Variants in LRP1B observed in about 807,000 individuals in gnomAD.
LRP1B encodes low-density lipoprotein receptor-related protein 1B.
A neutral mutation model predicts 556.6 loss-of-function variants in LRP1B; 217 were observed. The ratio of observed to expected loss-of-function variants is 0.39; its 90% CI spans 0.35 to 0.44. LRP1B has a LOEUF of 0.44. Among genes scored for constraint, LRP1B ranks in the 20% least tolerant of loss-of-function variants. The pLI is 1.00. For missense variants in LRP1B, 5,053 were observed against 5,620.8 expected (o/e 0.90, Z 3.23); for synonymous variants, 2,047 against 1,865.8 (o/e 1.10, Z -2.50).
chr2:142,050,038 A>G (rs528072786), intron 1 of LRP1B, among the ~76,000 whole-genome samples: 1 of 152,140 alleles, frequency 6.6e-6, no homozygotes, highest in African/African-American at 2.4e-5. Flanking sequence ...CTGCTTTTCA[A>G]TTTGGACACT....
In LRP1B at chr2:141,858,170, T is replaced by C. The variant is rs866198575; in HGVS notation, c.83-47769A>G. Among the ~76,000 whole-genome samples the C allele has an allele frequency of 1.0e-3, 159 of 152,286 alleles. 1 individual carries two copies. Among genetic ancestry groups the C allele is most frequent in the African/African-American group, 3.7e-3 (152 of 41,572 alleles). ...GCGTTAAATTTTGACTGCCAAGTTT[T>C]GTGTGCTTGAATCAAACTCATTTCT... On this transcript the variant is annotated intron_variant, in intron 1 of 90. Coordinates refer to ENST00000389484, the MANE Select transcript of LRP1B (RefSeq NM_018557.3).
At chr2:141,625,011 G>A (rs7606122) in intron 2 of LRP1B, among the ~76,000 whole-genome samples, 3,453 of 151,896 alleles carry the variant, frequency 0.023, 135 homozygotes, top group African/African-American at 0.078. Flanking sequence ...CTCGTGATCC[G>A]CCCGCCTCAG....
chr2:141,564,650 T>C (rs562933732), intron 2 of LRP1B, among the ~76,000 whole-genome samples: 5 of 152,104 alleles, frequency 3.3e-5, no homozygotes, highest in African/African-American at 9.6e-5. Context: ...AGCATGTATT[T>C]GAAAGAAAAA....
chr2:142,042,285 G>A (rs1704091507), intron 1 of LRP1B, among the ~76,000 whole-genome samples: 2 of 151,518 alleles, frequency 1.3e-5, no homozygotes, highest in Non-Finnish European at 3.0e-5. Context: ...AATTTAAATA[G>A]CACATAGGTC....
chr2:140,441,829 G>A (rs1406315497), intron 66 of LRP1B, among the ~76,000 whole-genome samples: 13 of 152,100 alleles, frequency 8.5e-5, no homozygotes, highest in Non-Finnish European at 5.9e-5. Context: ...AATAAATGCT[G>A]ATCAAATGAA....
chr2:140,552,460 A>G (rs1015575478), intron 43 of LRP1B, among the ~76,000 whole-genome samples: 4 of 152,160 alleles, frequency 2.6e-5, no homozygotes, highest in African/African-American at 9.7e-5. Flanking sequence ...ATAATTATGC[A>G]CGTTGCCTTT....
intron 2 of LRP1B, among the ~76,000 whole-genome samples, chr2:141,599,392 G>T (rs1687650618): frequency 2.0e-5 from 3 of 151,736 alleles, no homozygotes; most frequent in Admixed American, 2.0e-4. Context: ...TCTTGATAAC[G>T]CAGATTTTAG....
intron 15 of LRP1B, among the ~76,000 whole-genome samples, chr2:140,997,484 A>C (rs1697280383): frequency 6.6e-6 from 1 of 151,928 alleles, no homozygotes; most frequent in African/African-American, 2.4e-5. Flanking sequence ...TGTGGTGTGC[A>C]TGAAGAAGTT....
chr2:140,602,030 G>GT, intron 41 of LRP1B, among the ~76,000 whole-genome samples: 1 of 152,162 alleles, frequency 6.6e-6, no homozygotes, highest in South Asian at 2.1e-4. Flanking sequence ...ATCATCATGA[G>GT]TTTTCTCTTG....
chr2:140,447,398 T>G (rs1686707416), intron 63 of LRP1B, among the ~76,000 whole-genome samples: 1 of 152,110 alleles, frequency 6.6e-6, no homozygotes. Context: ...GTCATACTTT[T>G]TTTTTTGGTT....
intron 25 of LRP1B, among the ~76,000 whole-genome samples, chr2:140,868,637 C>G (rs1693028090): frequency 6.6e-6 from 1 of 151,842 alleles, no homozygotes; most frequent in African/African-American, 2.4e-5. Flanking sequence ...TGCTAAGGCC[C>G]TAACAGGGAA....
intron 2 of LRP1B, among the ~76,000 whole-genome samples, chr2:141,489,607 A>T (rs531834121): frequency 9.9e-5 from 15 of 152,012 alleles, no homozygotes; most frequent in Non-Finnish European, 2.1e-4. Flanking sequence ...ATCACATAAT[A>T]TCTTTACAGA....
chr2:141,830,052 G>T (rs1697063098), intron 1 of LRP1B, among the ~76,000 whole-genome samples: 1 of 151,882 alleles, frequency 6.6e-6, no homozygotes, highest in South Asian at 2.1e-4. Flanking sequence ...GTAATTATGT[G>T]CAGAGAAGAC....
At chr2:141,423,291 T>C (rs72846887) in intron 3 of LRP1B, among the ~76,000 whole-genome samples, 34,141 of 80,306 alleles carry the variant, frequency 0.43, 4,918 homozygotes, top group Admixed American at 0.46. Flanking sequence ...CAGCCAGAGC[T>C]TTTTTTTTTT....
At chr2:142,115,584 T>C (rs1282360188) in intron 1 of LRP1B, among the ~76,000 whole-genome samples, 1 of 44,758 alleles carries the variant, frequency 2.2e-5, no homozygotes, top group African/African-American at 8.6e-5. Context: ...ATATATGTAA[T>C]ATATATATTA....
intron 2 of LRP1B, among the ~76,000 whole-genome samples, chr2:141,705,885 T>C (rs1023161415): frequency 2.0e-5 from 3 of 152,030 alleles, no homozygotes; most frequent in African/African-American, 7.2e-5. Flanking sequence ...TAAATAGTTA[T>C]TCCATAGCAT....
chr2:140,406,922 A>G lies in LRP1B; in HGVS notation c.10415-20913T>C, dbSNP rs558876695. 2.9e-3 allele frequency among the ~76,000 whole-genome samples: 446 copies of G among 152,288 alleles called. 4 individuals are homozygous for G. The highest frequency in any genetic ancestry group is 4.2e-3 in the Non-Finnish European group (284 of 67,994). ...TAAAAAGAACAAATCTGGAGGCATT[A>G]CAGTACCAGACTTCAAATCATATTG... is the stretch of plus-strand genomic sequence containing the variant. On this transcript the variant is annotated intron_variant, in intron 66 of 90. Coordinates refer to ENST00000389484, the MANE Select transcript of LRP1B (RefSeq NM_018557.3).
intron 2 of LRP1B, among the ~76,000 whole-genome samples, chr2:141,729,241 TG>T (rs772798589): frequency 6.6e-6 from 1 of 152,156 alleles, no homozygotes; most frequent in Non-Finnish European, 1.5e-5. Flanking sequence ...AGGACTTCCT[TG>T]GGGGCATCAG....
intron 7 of LRP1B, among the ~76,000 whole-genome samples, chr2:141,186,586 G>GAACTAACTCAACAAA (rs1558919676): frequency 6.6e-6 from 1 of 152,010 alleles, no homozygotes; most frequent in Non-Finnish European, 1.5e-5. Flanking sequence ...GTGCTATAGA[G>GAACTAACTCAACAAA]ACAGAACTAA....
Sources: allele counts gnomAD v4.1 joint callset (sites outside exome capture counted in the v4.1 genomes callset), GRCh38; gene constraint gnomAD v4.1.1; transcripts MANE v1.5; gene names NCBI Gene and HGNC (gene_info 2026-07-23, HGNC 2026-07-21).